The following UTP18 variants were observed in gnomAD, a reference collection of about 807,000 sequenced individuals.
UTP18 encodes UTP18 small subunit processome component.
A neutral mutation model predicts 61.1 loss-of-function variants in UTP18; 36 were observed. The observed-to-expected ratio is 0.59, with a 90% CI of 0.45 to 0.78. The LOEUF (loss-of-function observed/expected upper bound fraction) is 0.78. UTP18 is among the 30% of genes least tolerant of loss of function. The pLI is 0.00. For synonymous variants in UTP18, 282 were observed against 251.1 expected (o/e 1.12, Z -1.16); for missense variants, 753 against 693.9 (o/e 1.09, Z -0.96).
intron 11 of UTP18, among the ~76,000 whole-genome samples, chr17:51,290,805 C>T (rs1490688251): frequency 6.6e-6 from 1 of 152,154 alleles, no homozygotes; most frequent in Non-Finnish European, 1.5e-5. Flanking sequence ...ACCATAATAT[C>T]TAATGGAAAG....
chr17:51,272,814 C>T (rs186636117), intron 4 of UTP18, among the ~76,000 whole-genome samples: 108 of 152,266 alleles, frequency 7.1e-4, no homozygotes, highest in African/African-American at 2.4e-3. Flanking sequence ...TTCTTAGCTC[C>T]GCAAGTGTTT....
At chr17:51,284,244 A>G (rs1567704925) in intron 9 of UTP18, among the ~76,000 whole-genome samples, 1 of 152,208 alleles carries the variant, frequency 6.6e-6, no homozygotes, top group Non-Finnish European at 1.5e-5. Context: ...GGAAGGGTGA[A>G]CTTTAGAGCA....
Position 51,266,210 on chromosome 17 carries a change from A to C in UTP18, c.484A>C (p.Lys162Gln). The stretch of plus-strand genomic sequence containing the variant: ...TGACATGATGAACAATCGGTTTCGG[A>C]AGGATATGATGAAAAATGCTAGTGA... ...MVDMMNNRFR[K>Q]DMMKNASESK... Residue 162 changes from lysine (K) to glutamine (Q), a missense_variant, in exon 3 of 14, where the codon AAG (lysine) becomes CAG (glutamine). Lys to Gln is a moderately conservative substitution (Grantham distance 53, BLOSUM62 1). Coordinates refer to ENST00000225298, the MANE Select transcript of UTP18 (RefSeq NM_016001.3). 1 of 1,599,604 alleles carries C rather than the reference A, an allele frequency of 6.3e-7. No individual in the cohort carries two copies. The highest frequency in any genetic ancestry group is 8.5e-7 in the Non-Finnish European group (1 of 1,175,418).
intron 8 of UTP18, 103 bp downstream of exon 8, chr17:51,280,208 A>G (rs1904867469): frequency 1.5e-6 from 2 of 1,334,382 alleles, no homozygotes; most frequent in Non-Finnish European, 2.1e-6. Context: ...ATCTCCAAGT[A>G]GAGGAGCACA....
chr17:51,263,686 C>T (rs1175694444), intron 2 of UTP18, among the ~76,000 whole-genome samples: 1 of 152,118 alleles, frequency 6.6e-6, no homozygotes, highest in Non-Finnish European at 1.5e-5. Context: ...TGACCATGGG[C>T]AGTTTGGAAC....
intron 2 of UTP18, among the ~76,000 whole-genome samples, chr17:51,265,828 C>T (rs1193616595): frequency 1.3e-5 from 2 of 151,704 alleles, no homozygotes; most frequent in Non-Finnish European, 2.9e-5. Context: ...TCTCAAAGTG[C>T]TGGGATTACA....
intron 12 of UTP18, among the ~76,000 whole-genome samples, chr17:51,294,590 A>T (rs1029127321): frequency 2.0e-5 from 3 of 152,034 alleles, no homozygotes; most frequent in Admixed American, 2.0e-4. Flanking sequence ...TTCTTAATCC[A>T]GTCTATCATT....
intron 1 of UTP18, among the ~76,000 whole-genome samples, chr17:51,261,692 GAA>G (rs894784032): frequency 3.9e-5 from 6 of 152,172 alleles, no homozygotes; most frequent in Admixed American, 2.6e-4. Context: ...GTGCTGAAGA[GAA>G]AAAAGGACAT....
chr17:51,269,008 C>A, intron 4 of UTP18, 104 bp downstream of exon 4: 1 of 1,193,222 alleles, frequency 8.4e-7, no homozygotes, highest in Non-Finnish European at 1.2e-6. Flanking sequence ...CATTTCTTGC[C>A]TGGCTCGGTA....
intron 6 of UTP18, 107 bp from the exon 7 acceptor site, chr17:51,277,023 C>T (rs1904745149): frequency 2.5e-6 from 3 of 1,201,930 alleles, no homozygotes; most frequent in Non-Finnish European, 3.5e-6. Context: ...AGCCTTCAGC[C>T]CCTTGGATAT....
Position 51,282,326 on chromosome 17 carries a change from TTTTTG to T in UTP18, c.1204+1857_1204+1861del, listed in dbSNP as rs202139676. ...AGGATTAATTTTAGCTTAACATTAA[TTTTTG>T]TTTTGTTTTTGTCCTAGAATCAGAC... On this transcript the variant is annotated intron_variant, in intron 9 of 13. Transcript: ENST00000225298. Among the ~76,000 whole-genome samples, 10 of 152,334 alleles carry T rather than the reference TTTTTG, an allele frequency of 6.6e-5. No individual in the cohort carries two copies. In the East Asian group the frequency reaches 1.7e-3, roughly 26 times the overall value.
chr17:51,288,343 T>C, intron 11 of UTP18, 140 bp downstream of exon 11: 1 of 914,922 alleles, frequency 1.1e-6, no homozygotes, highest in Non-Finnish European at 1.6e-6. Context: ...GTATTGTAGC[T>C]TTTGGATGTG....
intron 11 of UTP18, chr17:51,288,723 C>T: frequency 2.4e-6 from 1 of 419,480 alleles, no homozygotes. Context: ...CGAGAGATGA[C>T]TTCCAGGACT....
intron 6 of UTP18, among the ~76,000 whole-genome samples, chr17:51,276,321 T>G (rs1904721677): frequency 6.6e-6 from 1 of 152,184 alleles, no homozygotes; most frequent in African/African-American, 2.4e-5. Flanking sequence ...CCTGTATGAC[T>G]TCAGTGTACA....
At chr17:51,276,044 A>C (rs1012462133) in intron 6 of UTP18, 53 bp downstream of exon 6, 3 of 1,541,712 alleles carry the variant, frequency 1.9e-6, no homozygotes, top group Non-Finnish European at 2.6e-6. Flanking sequence ...TTATTTAAGG[A>C]CCAGACATTT....
intron 9 of UTP18, among the ~76,000 whole-genome samples, chr17:51,284,226 G>A (rs1047215682): frequency 6.6e-6 from 1 of 152,158 alleles, no homozygotes; most frequent in African/African-American, 2.4e-5. Flanking sequence ...GAGAATAAGA[G>A]TACATATGGA....
At position 51,263,365 on chromosome 17, in the gene UTP18, A is replaced by G. The variant is rs776936777; in HGVS notation, c.434A>G (p.Glu145Gly). The G allele has an allele frequency of 2.5e-6, 4 of 1,614,126 alleles. No individual in the cohort carries two copies. The highest frequency in any genetic ancestry group is 3.4e-6 in the Non-Finnish European group (4 of 1,179,944). Residue 145 changes from glutamate (E) to glycine (G), a missense_variant, in exon 2 of 14, where the codon GAA becomes GGA. Transcript: ENST00000225298. ...PPQKKPVWVD[E>G]EDEDEEMVDM... ...CAAAAGAAGCCAGTTTGGGTGGATG[A>G]AGAAGATGAAGATGAGGAAATGTAA...
chr17:51,283,533 C>T (rs980621707), intron 9 of UTP18, among the ~76,000 whole-genome samples: 1 of 148,900 alleles, frequency 6.7e-6, no homozygotes, highest in Non-Finnish European at 1.5e-5. Flanking sequence ...TACATTGTTA[C>T]ATGTAAAGAA....
intron 4 of UTP18, among the ~76,000 whole-genome samples, chr17:51,270,987 A>G (rs138604315): frequency 9.3e-4 from 142 of 152,294 alleles, no homozygotes; most frequent in Non-Finnish European, 1.6e-3. Context: ...GATTATCTCC[A>G]GTGTGTTATT....
Sources: gnomAD v4.1 joint callset for allele counts (sites outside exome capture counted in the v4.1 genomes callset) on GRCh38, gnomAD v4.1.1 for gene constraint, MANE v1.5 for transcripts, NCBI Gene and HGNC (gene_info 2026-07-23, HGNC 2026-07-21) for gene names.